The following NOVA1 variants were observed in gnomAD, a reference collection of about 807,000 sequenced individuals.
NOVA1 encodes NOVA alternative splicing regulator 1, also known as RNA-binding protein Nova-1.
NOVA1 carries 7 observed loss-of-function variants against 38.0 expected under a neutral mutation model. The observed-to-expected ratio is 0.18, with a 90% CI of 0.10 to 0.35. The LOEUF is 0.35. Ranked by LOEUF, NOVA1 falls within the 10% of genes least tolerant of loss-of-function variation. NOVA1 has a pLI of 1.00. For synonymous variants in NOVA1, 270 were observed against 232.5 expected, an observed-to-expected ratio of 1.16 and a Z score of -1.47; for missense variants, 460 against 616.0, an observed-to-expected ratio of 0.75 and a Z score of 2.68.
intron 2 of NOVA1, among the ~76,000 whole-genome samples, chr14:26,520,717 G>T (rs577789586): frequency 2.0e-5 from 3 of 152,094 alleles, no homozygotes; most frequent in African/African-American, 7.2e-5. Context: ...TTTTAGTGAG[G>T]GGACAAATTT....
chr14:26,469,819 T>C (rs182542843), intron 4 of NOVA1, among the ~76,000 whole-genome samples: 53 of 152,276 alleles, frequency 3.5e-4, no homozygotes, highest in Middle Eastern at 6.9e-3. Flanking sequence ...CAGGATGGTC[T>C]CAAACTCCTG....
At chr14:26,487,945 A>G (rs929334910) in intron 2 of NOVA1, among the ~76,000 whole-genome samples, 2 of 152,156 alleles carry the variant, frequency 1.3e-5, no homozygotes, top group African/African-American at 4.8e-5. Flanking sequence ...AGTAAGTTCA[A>G]TTTGTAATTG....
chr14:26,584,988 C>G (rs964207545), intron 2 of NOVA1, among the ~76,000 whole-genome samples: 1 of 151,276 alleles, frequency 6.6e-6, no homozygotes, highest in African/African-American at 2.4e-5. Context: ...GGGAAACAGA[C>G]AAGAAACACT....
chr14:26,535,790 T>C (rs1370031278), intron 2 of NOVA1, among the ~76,000 whole-genome samples: 1 of 151,838 alleles, frequency 6.6e-6, no homozygotes, highest in Non-Finnish European at 1.5e-5. Context: ...AACCCGTCTC[T>C]ACTAAAAATA....
At position 26,448,289 on chromosome 14, in the gene NOVA1, A is replaced by G. The variant is rs762691909; in HGVS notation, c.1194T>C (p.Tyr398=). The change falls in exon 5 of 5, where the codon TAT becomes TAC. Residue 398 remains tyrosine, a synonymous_variant. Transcript: ENST00000539517. The surrounding 1 kb of genome is among the most constrained non-coding windows in gnomAD (Gnocchi z 5.3). ...LAAATAATNG[Y]FGAASPLAAS... ...CAGCTAGGGGAGAAGCAGCTCCAAAATATCCATTGGTTGCAGCAGTAGCAG... is the reference window on the plus strand; with the variant it reads ...CAGCTAGGGGAGAAGCAGCTCCAAAGTATCCATTGGTTGCAGCAGTAGCAG... 1 of 1,614,150 alleles carries G rather than the reference A, an allele frequency of 6.2e-7. No individual in the cohort carries two copies. Among genetic ancestry groups the G allele is most frequent in the Admixed American group, 1.7e-5 (1 of 60,006 alleles).
At chr14:26,457,053 A>G (rs1883241284) in intron 4 of NOVA1, among the ~76,000 whole-genome samples, 1 of 152,038 alleles carries the variant, frequency 6.6e-6, no homozygotes, top group African/African-American at 2.4e-5. Context: ...AAAGGGAGGA[A>G]TAGAGATTGC....
intron 2 of NOVA1, among the ~76,000 whole-genome samples, chr14:26,568,656 G>A (rs959200945): frequency 6.6e-6 from 1 of 152,020 alleles, no homozygotes; most frequent in African/African-American, 2.4e-5. Flanking sequence ...AATAAATGCA[G>A]GAACCTGGAA....
intron 2 of NOVA1, among the ~76,000 whole-genome samples, chr14:26,500,668 A>G: frequency 6.6e-6 from 1 of 152,034 alleles, no homozygotes; most frequent in Non-Finnish European, 1.5e-5. Context: ...AAATATGACC[A>G]TATTCATAAA....
chr14:26,596,824 G>A (rs903750610), intron 1 of NOVA1: 2 of 1,125,630 alleles, frequency 1.8e-6, no homozygotes, highest in African/African-American at 3.3e-5. Context: ...CAAAGCAAGA[G>A]GATGGAGAGA....
chr14:26,519,232 T>C (rs1292885130), intron 2 of NOVA1: 3 of 152,130 alleles, frequency 2.0e-5, no homozygotes, highest in African/African-American at 7.2e-5. Context: ...GACAATAATG[T>C]ATTAAGTTAC....
chr14:26,500,066 A>C (rs1002940064), intron 2 of NOVA1, among the ~76,000 whole-genome samples: 3 of 151,882 alleles, frequency 2.0e-5, no homozygotes, highest in Non-Finnish European at 2.9e-5. Context: ...TTATCTTTCC[A>C]ATCTTTGGCC....
At chr14:26,595,030 C>G (rs554681517) in intron 2 of NOVA1, among the ~76,000 whole-genome samples, 82 of 152,206 alleles carry the variant, frequency 5.4e-4, no homozygotes, top group Admixed American at 5.2e-3. Context: ...CTCCCTACCC[C>G]CCTCTTCTGA....
intron 2 of NOVA1, among the ~76,000 whole-genome samples, chr14:26,577,066 A>G (rs375322715): frequency 1.9e-4 from 29 of 151,832 alleles, no homozygotes; most frequent in African/African-American, 6.3e-4. Context: ...GGTATTCTAC[A>G]TTTTTCTAGA....
chr14:26,509,213 A>G (rs1566489836), intron 2 of NOVA1, among the ~76,000 whole-genome samples: 1 of 152,186 alleles, frequency 6.6e-6, no homozygotes, highest in Non-Finnish European at 1.5e-5. Context: ...AGCCTGAAAT[A>G]CTACATTAAT....
At chr14:26,456,854 T>C (rs939874241) in intron 4 of NOVA1, among the ~76,000 whole-genome samples, 1 of 151,894 alleles carries the variant, frequency 6.6e-6, no homozygotes, top group Admixed American at 6.6e-5. Flanking sequence ...ACACTAAATG[T>C]CATATACAAA....
chr14:26,458,820 A>T (rs1883403444), intron 4 of NOVA1, among the ~76,000 whole-genome samples: 1 of 152,124 alleles, frequency 6.6e-6, no homozygotes, highest in Non-Finnish European at 1.5e-5. Flanking sequence ...TAAATGCTGA[A>T]AGGAAACAAA....
intron 2 of NOVA1, among the ~76,000 whole-genome samples, chr14:26,538,220 A>G (rs1890237759): frequency 6.6e-6 from 1 of 152,162 alleles, no homozygotes; most frequent in African/African-American, 2.4e-5. Flanking sequence ...ACTGAAAAAT[A>G]CAGTTGGTTA....
At chr14:26,566,157 A>G (rs904716488) in intron 2 of NOVA1, among the ~76,000 whole-genome samples, 43 of 152,112 alleles carry the variant, frequency 2.8e-4, no homozygotes, top group African/African-American at 9.9e-4. Context: ...ATGCAATGAC[A>G]AAAGAGTTCA....
chr14:26,555,909 A>G lies in NOVA1; in HGVS notation c.280+39501T>C, dbSNP rs1891451499. On this transcript the variant is annotated intron_variant, in intron 2 of 4. Transcript: ENST00000539517. Reference sequence around the variant, plus strand: ...CAATTGTGCAAAAAGTGGTTGTTCTAACACCAAAAAAATAGAAAAAGTTCA... The same window carrying G: ...CAATTGTGCAAAAAGTGGTTGTTCTGACACCAAAAAAATAGAAAAAGTTCA... 2.0e-5 allele frequency among the ~76,000 whole-genome samples: 3 copies of G among 152,304 alleles called. No homozygotes were observed. In the South Asian group the frequency reaches 6.2e-4, roughly 32 times the overall value.
Sources: gnomAD v4.1 joint callset for allele counts (sites outside exome capture counted in the v4.1 genomes callset) on GRCh38, gnomAD v4.1.1 for gene constraint, Gnocchi (gnomAD v3.1) non-coding constraint, MANE v1.5 for transcripts, NCBI Gene and HGNC (gene_info 2026-07-23, HGNC 2026-07-21) for gene names.